PRMT8: variants seen among roughly 807,000 people sequenced by gnomAD.
The protein encoded by PRMT8 is protein arginine N-methyltransferase 8.
A neutral mutation model predicts 47.1 loss-of-function variants in PRMT8; 7 were observed. The observed-to-expected ratio is 0.15, with a 90% CI of 0.08 to 0.28. The LOEUF (loss-of-function observed/expected upper bound fraction) is 0.28. Ranked by LOEUF, PRMT8 falls within the 10% of genes least tolerant of loss-of-function variation. The pLI is 1.00. For missense variants in PRMT8, 237 were observed against 505.4 expected (o/e 0.47, Z 5.09); for synonymous variants, 188 against 186.5 (o/e 1.01, Z -0.07).
Position 3,554,491 on chromosome 12 carries a change from G to A in PRMT8, c.481+777G>A, listed in dbSNP as rs143606300. The stretch of plus-strand genomic sequence containing the variant: ...ACTGCGCCGGGGCTGCAGTGAGGCC[G>A]AGAGAGGAACTGGTAGACAGGAAGT... On this transcript the variant is annotated intron_variant, in intron 4 of 9. Coordinates refer to ENST00000382622, the MANE Select transcript of PRMT8 (RefSeq NM_019854.5). Among the ~76,000 whole-genome samples, 12 of 152,324 alleles carry A rather than the reference G, an allele frequency of 7.9e-5. No individual in the cohort carries two copies. In the South Asian group the frequency reaches 8.3e-4, roughly 11 times the overall value.
At chr12:3,412,996 T>C (rs1864447311) in intron 1 of PRMT8, among the ~76,000 whole-genome samples, 1 of 152,194 alleles carries the variant, frequency 6.6e-6, no homozygotes, top group Non-Finnish European at 1.5e-5. Context: ...TCTAGGCTTC[T>C]TTATTTTACA....
intron 1 of PRMT8, among the ~76,000 whole-genome samples, chr12:3,531,095 G>C (rs749163843): frequency 9.9e-5 from 15 of 152,216 alleles, no homozygotes; most frequent in Non-Finnish European, 2.1e-4. Flanking sequence ...AGAGAGTCAT[G>C]AACATAGCAT....
chr12:3,460,353 A>G (rs1437567167), intron 1 of PRMT8, among the ~76,000 whole-genome samples: 1 of 152,202 alleles, frequency 6.6e-6, no homozygotes, highest in Non-Finnish European at 1.5e-5. Context: ...TGTCATTCCT[A>G]GGAAATTCTG....
At chr12:3,474,592 C>T (rs1174149275) in intron 1 of PRMT8, among the ~76,000 whole-genome samples, 1 of 152,050 alleles carries the variant, frequency 6.6e-6, no homozygotes, top group Non-Finnish European at 1.5e-5. Context: ...CATGCTCTCC[C>T]CTGGCCTTCC....
intron 6 of PRMT8, among the ~76,000 whole-genome samples, chr12:3,575,724 G>A (rs998713806): frequency 2.8e-4 from 43 of 152,302 alleles, no homozygotes; most frequent in African/African-American, 9.9e-4. Context: ...ATCAATCAAT[G>A]ACTGCAATTA....
At position 3,403,256 on chromosome 12, in the gene PRMT8, G is replaced by A. The variant is rs1864336317; in HGVS notation, c.48+21814G>A. Among the ~76,000 whole-genome samples the A allele has an allele frequency of 2.0e-5, 3 of 152,086 alleles. No homozygotes were observed. The South Asian group carries it at 6.2e-4, about 32-fold the overall frequency. On this transcript the variant is annotated intron_variant, in intron 1 of 9. Coordinates refer to the PRMT8 transcript ENST00000452611. ...ACTGCATGTTCTCCCTTATAAGTGG[G>A]AGCTGAATGATGAGAACACATGGAC...
intron 1 of PRMT8, among the ~76,000 whole-genome samples, chr12:3,527,522 T>C (rs1865965624): frequency 6.6e-6 from 1 of 152,146 alleles, no homozygotes; most frequent in African/African-American, 2.4e-5. Flanking sequence ...ATCTGGTAAC[T>C]GAAACCATGA....
At chr12:3,473,910 C>T (rs1453007672) in intron 1 of PRMT8, among the ~76,000 whole-genome samples, 3 of 152,202 alleles carry the variant, frequency 2.0e-5, no homozygotes, top group Admixed American at 2.0e-4. Context: ...CGTCTGCCCA[C>T]CTTCTCAATC....
At chr12:3,509,343 G>A (rs1419908603) in intron 1 of PRMT8, among the ~76,000 whole-genome samples, 1 of 152,142 alleles carries the variant, frequency 6.6e-6, no homozygotes, top group Non-Finnish European at 1.5e-5. Flanking sequence ...AGGTCTCAGT[G>A]TGGATGTCGC....
In PRMT8 at chr12:3,493,292, G is replaced by C. The variant is rs1029128438; in HGVS notation, c.75+1592G>C. ...GAGGCGGCTAGCCTCCCAGCAGAAA[G>C]CCATCCTTACCATTCCCCTCACCCT... On this transcript the variant is annotated intron_variant, in intron 1 of 9. Transcript: ENST00000382622. The surrounding 1 kb of genome is among the most constrained non-coding windows in gnomAD (Gnocchi z 8.2). Among the ~76,000 whole-genome samples, 1 of 151,904 alleles carries C rather than the reference G, an allele frequency of 6.6e-6. No homozygotes were observed. Among genetic ancestry groups the C allele is most frequent in the African/African-American group, 2.4e-5 (1 of 41,330 alleles).
intron 1 of PRMT8, among the ~76,000 whole-genome samples, chr12:3,386,690 T>C (rs974724769): frequency 1.7e-4 from 26 of 152,184 alleles, no homozygotes; most frequent in Non-Finnish European, 3.1e-4. Flanking sequence ...GGTGTTCATA[T>C]GCTTGTCTAC....
rs903312513 is a variant in PRMT8 at position 3,572,951 on chromosome 12, G to A, written c.712+3387G>A. Among the ~76,000 whole-genome samples the A allele has an allele frequency of 2.0e-5, 3 of 152,172 alleles. No homozygotes were observed. Among genetic ancestry groups the A allele is most frequent in the African/African-American group, 7.2e-5 (3 of 41,454 alleles). On this transcript the variant is annotated intron_variant, in intron 6 of 9. Transcript: ENST00000382622. This position sits in a 1 kb window ranked among gnomAD's most constrained non-coding sequence, Gnocchi z 5.9. ...TATTGATTTTCTGCAGTTTGATTCT[G>A]ATGTGTCTAGGTGTGTTTTTCTTTT... is the stretch of plus-strand genomic sequence containing the variant.
chr12:3,402,853 C>G (rs1380354104), intron 1 of PRMT8, among the ~76,000 whole-genome samples: 2 of 152,188 alleles, frequency 1.3e-5, no homozygotes, highest in Admixed American at 6.5e-5. Flanking sequence ...AAAGGGAACA[C>G]TTTTACACTG....
chr12:3,437,746 CTG>C (rs1246577624), intron 1 of PRMT8, among the ~76,000 whole-genome samples: 6 of 151,792 alleles, frequency 4.0e-5, no homozygotes, highest in Non-Finnish European at 5.9e-5. Flanking sequence ...TGACCACTGA[CTG>C]TGTGACCTTA....
intron 1 of PRMT8, among the ~76,000 whole-genome samples, chr12:3,434,266 C>G (rs905076194): frequency 6.6e-6 from 1 of 152,086 alleles, no homozygotes; most frequent in South Asian, 2.1e-4. Flanking sequence ...CCAGAGAAAC[C>G]CCTGCATTGA....
At chr12:3,591,167 C>T (rs1027165304) in intron 8 of PRMT8, among the ~76,000 whole-genome samples, 1 of 152,002 alleles carries the variant, frequency 6.6e-6, no homozygotes, top group African/African-American at 2.4e-5. Flanking sequence ...GAGAATATAT[C>T]GTGTGCTGAG....
At chr12:3,556,886 G>T (rs958612786) in intron 4 of PRMT8, among the ~76,000 whole-genome samples, 1 of 152,076 alleles carries the variant, frequency 6.6e-6, no homozygotes, top group Non-Finnish European at 1.5e-5. Flanking sequence ...TGCACAGGTG[G>T]TGGGGTGGTC....
rs372333613 is a variant in PRMT8, at chr12:3,462,240, G to A, written c.49-78366G>A. ...ACATGCTCTCATTCCTTTTTATGCCGTGAATGTTCATTGCAGCGCTATTTA... is the reference window on the plus strand; with the variant it reads ...ACATGCTCTCATTCCTTTTTATGCCATGAATGTTCATTGCAGCGCTATTTA... On this transcript the variant is annotated intron_variant, in intron 1 of 9. Coordinates refer to the PRMT8 transcript ENST00000452611. Among the ~76,000 whole-genome samples the A allele has an allele frequency of 3.3e-5, 5 of 152,118 alleles. 1 individual carries two copies. The highest frequency in any genetic ancestry group is 6.5e-5 in the Admixed American group (1 of 15,298).
At chr12:3,384,652 C>T (rs924162637) in intron 1 of PRMT8, among the ~76,000 whole-genome samples, 1 of 151,880 alleles carries the variant, frequency 6.6e-6, no homozygotes, top group African/African-American at 2.4e-5. Flanking sequence ...TTTTTTTAAT[C>T]ACAAGGAAAA....
Sources: allele counts gnomAD v4.1 joint callset (sites outside exome capture counted in the v4.1 genomes callset), GRCh38; gene constraint gnomAD v4.1.1; non-coding constraint Gnocchi (gnomAD v3.1); transcripts MANE v1.5; gene names NCBI Gene and HGNC (gene_info 2026-07-23, HGNC 2026-07-21).